Variants in TIAM1 observed in about 807,000 individuals in gnomAD.
TIAM1 encodes the protein TIAM Rac1 associated GEF 1, also known as rho guanine nucleotide exchange factor TIAM1.
Under a neutral mutation model 163.5 loss-of-function variants are expected in TIAM1, and 65 were observed. That is an observed-to-expected ratio of 0.40 (90% confidence interval 0.33 to 0.49). The LOEUF (loss-of-function observed/expected upper bound fraction) is 0.49, where lower values mean the gene tolerates loss of function less well. Ranked by LOEUF, TIAM1 falls within the 20% of genes least tolerant of loss-of-function variation. The probability of loss-of-function intolerance (pLI) is 0.77; values close to 1 mark genes in which losing one functional copy is unlikely to be tolerated. For missense variants in TIAM1, 1,789 were observed against 2,044.7 expected, an observed-to-expected ratio of 0.87 and a Z score of 2.41; for synonymous variants, 833 against 810.1, an observed-to-expected ratio of 1.03 and a Z score of -0.48.
intron 2 of TIAM1, among the ~76,000 whole-genome samples, chr21:31,438,409 C>T (rs1363981547): frequency 2.0e-5 from 3 of 151,812 alleles, no homozygotes; most frequent in Non-Finnish European, 4.4e-5. Flanking sequence ...ACAGGCTGGT[C>T]TCGAACTCCT....
At chr21:31,279,981 G>A (rs896735909) in intron 2 of TIAM1, among the ~76,000 whole-genome samples, 35 of 152,090 alleles carry the variant, frequency 2.3e-4, no homozygotes, top group African/African-American at 5.5e-4. Flanking sequence ...CTACTCAATC[G>A]GCTACAGCTC....
At chr21:31,192,619 A>AG (rs1207955687) in intron 13 of TIAM1, among the ~76,000 whole-genome samples, 1 of 152,202 alleles carries the variant, frequency 6.6e-6, no homozygotes, top group African/African-American at 2.4e-5. Flanking sequence ...TTAAAAAAAA[A>AG]AAAGACAGCT....
At chr21:31,145,043 T>C (rs566009737) in intron 20 of TIAM1, among the ~76,000 whole-genome samples, 1 of 152,198 alleles carries the variant, frequency 6.6e-6, no homozygotes, top group African/African-American at 2.4e-5. Flanking sequence ...AGCAAAGCAC[T>C]CTAAAATTGT....
intron 20 of TIAM1, among the ~76,000 whole-genome samples, chr21:31,144,830 G>GAAAAAAAAAAAAAAAA (rs764835303): frequency 1.3e-5 from 1 of 74,476 alleles, no homozygotes; most frequent in Non-Finnish European, 2.4e-5. Flanking sequence ...CTCCATCTCA[G>GAAAAAAAAAAAAAAAA]AAAAAAAAAA....
intron 12 of TIAM1, 117 bp from the exon 13 acceptor site, chr21:31,195,422 C>T: frequency 1.5e-6 from 1 of 685,622 alleles, no homozygotes; most frequent in South Asian, 2.0e-5. Context: ...TTGCACTTCA[C>T]AATCTTATCA....
intron 1 of TIAM1, among the ~76,000 whole-genome samples, chr21:31,522,162 C>T (rs1156407105): frequency 2.6e-5 from 4 of 151,866 alleles, no homozygotes; most frequent in Non-Finnish European, 5.9e-5. Flanking sequence ...TGAGCCACCA[C>T]GCCCGGCCGG....
At position 31,141,053 on chromosome 21, in the gene TIAM1, A is replaced by T; in HGVS notation, c.3774+65T>A. ...TAACACCTTTTTAAAAAATAAATAA[A>T]TAAATAAAAGCAAACTCAAACTCGG... On this transcript the variant is annotated intron_variant, in intron 22 of 27. Transcript: ENST00000541036. The surrounding 1 kb of genome is among the most constrained non-coding windows in gnomAD (Gnocchi z 4.7). 1.6e-6 allele frequency: 2 copies of T among 1,282,186 alleles called. No homozygotes were observed. Among genetic ancestry groups the T allele is most frequent in the Non-Finnish European group, 2.2e-6 (2 of 920,404 alleles). The allele number at this position is 1,282,186 out of a possible 1,614,324, so 79.4% of individuals were successfully genotyped here.
chr21:31,417,403 AAGGCAAAAGGCACGCCTTACATGGTGGC>A (rs1238816627), intron 2 of TIAM1, among the ~76,000 whole-genome samples: 1 of 152,198 alleles, frequency 6.6e-6, no homozygotes, highest in African/African-American at 2.4e-5. Flanking sequence ...GTCACAGCAG[AAGGCAAAAGGCACGCCTTACATGGTGGC>A]AGGCAAAAGG....
chr21:31,476,681 C>T (rs950675945), intron 1 of TIAM1, among the ~76,000 whole-genome samples: 2 of 152,130 alleles, frequency 1.3e-5, no homozygotes, highest in South Asian at 2.1e-4. Context: ...CACGGAGGGA[C>T]GCCATGAGCC....
intron 27 of TIAM1, among the ~76,000 whole-genome samples, chr21:31,123,399 A>G (rs1347770326): frequency 6.6e-6 from 1 of 152,248 alleles, no homozygotes; most frequent in East Asian, 1.9e-4. Context: ...GAAACTGCGC[A>G]TATGGACGTA....
chr21:31,291,891 T>C (rs1255266993), intron 2 of TIAM1, among the ~76,000 whole-genome samples: 2 of 152,192 alleles, frequency 1.3e-5, no homozygotes, highest in Non-Finnish European at 2.9e-5. Flanking sequence ...CACAGCCTTC[T>C]ACATGGCTCC....
chr21:31,196,798 T>G (rs539483216), intron 12 of TIAM1, among the ~76,000 whole-genome samples: 2 of 152,342 alleles, frequency 1.3e-5, no homozygotes, highest in Non-Finnish European at 2.9e-5. Flanking sequence ...CACTGTATGT[T>G]CATTGCAGCA....
rs1601244395 is a variant in TIAM1, at chr21:31,140,310, T to C, written c.3774+808A>G. Among the ~76,000 whole-genome samples the C allele has an allele frequency of 2.0e-5, 3 of 152,284 alleles. No individual in the cohort carries two copies. In the South Asian group the frequency reaches 6.2e-4, roughly 32 times the overall value. ...TTTTCCTCTAGGTTCCTTCCCACATTTTCTCTTTTTTAAGGTGGAAAGAAA... is the reference window on the plus strand; with the variant it reads ...TTTTCCTCTAGGTTCCTTCCCACATCTTCTCTTTTTTAAGGTGGAAAGAAA... On this transcript the variant is annotated intron_variant, in intron 22 of 27. Coordinates refer to ENST00000541036, the MANE Select transcript of TIAM1 (RefSeq NM_001353694.2).
At chr21:31,326,749 G>C (rs1052021258) in intron 2 of TIAM1, among the ~76,000 whole-genome samples, 1 of 152,214 alleles carries the variant, frequency 6.6e-6, no homozygotes, top group African/African-American at 2.4e-5. Flanking sequence ...TTGCAGTGGT[G>C]ATTAAAGCGA....
At chr21:31,468,408 G>A (rs1019345399) in intron 1 of TIAM1, among the ~76,000 whole-genome samples, 26 of 151,794 alleles carry the variant, frequency 1.7e-4, no homozygotes, top group African/African-American at 5.8e-4. Flanking sequence ...GCTTGAGCCC[G>A]CAAGGTGGAG....
chr21:31,134,614 G>A (rs1265869163), intron 23 of TIAM1, among the ~76,000 whole-genome samples: 1 of 152,100 alleles, frequency 6.6e-6, no homozygotes, highest in African/African-American at 2.4e-5. Flanking sequence ...GGGTTCAAGC[G>A]ATTCTCCTGC....
At chr21:31,449,121 C>T (rs888022974) in intron 2 of TIAM1, among the ~76,000 whole-genome samples, 1 of 152,086 alleles carries the variant, frequency 6.6e-6, no homozygotes, top group Non-Finnish European at 1.5e-5. Flanking sequence ...CACACCACCA[C>T]ATCCAGCTAA....
At chr21:31,186,226 G>A (rs2085296250) in intron 14 of TIAM1, among the ~76,000 whole-genome samples, 1 of 152,184 alleles carries the variant, frequency 6.6e-6, no homozygotes, top group South Asian at 2.1e-4. Flanking sequence ...TAAAGAAGGG[G>A]AGGGAGGCTG....
chr21:31,210,735 G>GA (rs2086803700), intron 10 of TIAM1, among the ~76,000 whole-genome samples: 1 of 96,376 alleles, frequency 1.0e-5, no homozygotes, highest in African/African-American at 5.9e-5. Flanking sequence ...GAAAGAGAAA[G>GA]AAGGAAGGAA....
Sources: gnomAD v4.1 joint callset for allele counts (sites outside exome capture counted in the v4.1 genomes callset) on GRCh38, gnomAD v4.1.1 for gene constraint, Gnocchi (gnomAD v3.1) non-coding constraint, MANE v1.5 for transcripts, NCBI Gene and HGNC (gene_info 2026-07-23, HGNC 2026-07-21) for gene names.